Variants in PFKP observed in about 807,000 individuals in gnomAD.
PFKP encodes the protein phosphofructokinase, platelet, also known as ATP-dependent 6-phosphofructokinase, platelet type.
Under a neutral mutation model 94.3 loss-of-function variants are expected in PFKP, and 101 were observed. That is an observed-to-expected ratio of 1.07 (90% CI 0.91 to 1.26). PFKP has a LOEUF of 1.26. PFKP is among the 50% of genes most tolerant of loss of function. The probability of loss-of-function intolerance (pLI) is 0.00; values close to 1 mark genes in which losing one functional copy is unlikely to be tolerated. For missense variants in PFKP, 1,145 were observed against 1,103.3 expected (o/e 1.04, Z -0.53); for synonymous variants, 573 against 432.6 (o/e 1.32, Z -4.03).
intron 10 of PFKP, 145 bp downstream of exon 10, chr10:3,109,625 G>A (rs1185365231): frequency 8.3e-6 from 8 of 968,034 alleles, no homozygotes; most frequent in Admixed American, 4.3e-5. Context: ...CTGCCCGTGG[G>A]GAGGGAGAAG....
intron 3 of PFKP, 149 bp downstream of exon 3, chr10:3,099,501 TG>T (rs1258354047): frequency 3.0e-6 from 2 of 675,498 alleles, no homozygotes; most frequent in Admixed American, 4.9e-5. Flanking sequence ...ACTTGTGGTT[TG>T]ATTTTTAGAA....
intron 16 of PFKP, 95 bp from the exon 17 acceptor site, chr10:3,129,724 G>A: frequency 3.0e-6 from 4 of 1,333,988 alleles, no homozygotes; most frequent in East Asian, 2.3e-5. Context: ...GGGCGCGGTG[G>A]GGGGGCCTTG....
intron 1 of PFKP, chr10:3,069,476 G>A (rs1424260905): frequency 7.8e-7 from 1 of 1,279,988 alleles, no homozygotes. Context: ...AGCACCTTGA[G>A]TGACCTTACC....
intron 8 of PFKP, 99 bp downstream of exon 8, chr10:3,107,408 CTT>C: frequency 2.9e-6 from 2 of 699,544 alleles, no homozygotes; most frequent in Non-Finnish European, 5.0e-6. Flanking sequence ...GAATTATTAA[CTT>C]TTTATCCTTG....
intron 1 of PFKP, among the ~76,000 whole-genome samples, chr10:3,081,580 G>C (rs561077432): frequency 2.0e-5 from 3 of 152,184 alleles, no homozygotes. Flanking sequence ...CTCCTCTCCC[G>C]ATGGGCCTGA....
In PFKP at chr10:3,075,843, C is replaced by T. The variant is rs192388391; in HGVS notation, c.113-6545C>T. Among the ~76,000 whole-genome samples, 998 of 148,080 alleles carry T rather than the reference C, an allele frequency of 6.7e-3. 17 individuals are homozygous for T. The highest frequency in any genetic ancestry group is 0.023 in the African/African-American group (934 of 39,880). ...TTGCCTGAGCCCAGGAGTTGGAGGC[C>T]GCAGTGAGCTGTGACTGCACCAGTT... On this transcript the variant is annotated intron_variant, in intron 1 of 21. Transcript: ENST00000381125.
intron 5 of PFKP, 37 bp downstream of exon 5, chr10:3,103,981 G>T (rs777662960): frequency 1.3e-6 from 2 of 1,598,280 alleles, no homozygotes; most frequent in East Asian, 4.5e-5. Flanking sequence ...AGGCCAGTGG[G>T]GCCCGACGTG....
intron 7 of PFKP, among the ~76,000 whole-genome samples, chr10:3,105,714 T>C (rs1564307634): frequency 6.6e-6 from 1 of 152,242 alleles, no homozygotes; most frequent in African/African-American, 2.4e-5. Flanking sequence ...ATTTAAGACC[T>C]GAGGCTGAGA....
intron 8 of PFKP, 85 bp downstream of exon 8, chr10:3,107,394 C>G: frequency 2.6e-6 from 2 of 771,690 alleles, no homozygotes. Context: ...TGGTTTAGAA[C>G]ATTGAATTAT....
intron 2 of PFKP, among the ~76,000 whole-genome samples, chr10:3,094,868 C>T (rs568431824): frequency 2.4e-4 from 37 of 152,202 alleles, no homozygotes; most frequent in Middle Eastern, 3.4e-3. Context: ...CTAGGGAAAG[C>T]TTGATTCTGT....
intron 2 of PFKP, 78 bp from the exon 3 acceptor site, chr10:3,099,197 G>A (rs549673625): frequency 3.7e-5 from 44 of 1,179,418 alleles, no homozygotes; most frequent in African/African-American, 1.8e-4. Flanking sequence ...CATTTTTCCC[G>A]TTTTATATAA....
intron 14 of PFKP, among the ~76,000 whole-genome samples, chr10:3,117,407 G>C (rs1836944077): frequency 6.6e-6 from 1 of 152,196 alleles, no homozygotes; most frequent in African/African-American, 2.4e-5. Flanking sequence ...TCTCACCTTT[G>C]ATCATGTCAG....
chr10:3,099,209 T>A (rs1834752900), intron 2 of PFKP, 66 bp from the exon 3 acceptor site: 2 of 1,258,280 alleles, frequency 1.6e-6, no homozygotes, highest in Non-Finnish European at 2.3e-6. Flanking sequence ...TTTATATAAT[T>A]TAAGGATCAC....
At chr10:3,132,517 G>T in intron 18 of PFKP, 76 bp downstream of exon 18, 1 of 1,039,382 alleles carries the variant, frequency 9.6e-7, no homozygotes, top group South Asian at 1.3e-5. Flanking sequence ...CTGTGACTTG[G>T]GCTGGATGAG....
intron 16 of PFKP, among the ~76,000 whole-genome samples, chr10:3,120,552 C>A (rs1287074284): frequency 4.6e-5 from 7 of 152,174 alleles, no homozygotes; most frequent in Non-Finnish European, 7.3e-5. Context: ...TGGCTGTTGA[C>A]CTCATTTTCC....
intron 1 of PFKP, among the ~76,000 whole-genome samples, chr10:3,077,257 T>C (rs1385170897): frequency 9.9e-6 from 1 of 100,596 alleles, no homozygotes; most frequent in Non-Finnish European, 2.1e-5. Context: ...TACTTTTTTT[T>C]TTTCTTTTTT....
In PFKP at chr10:3,096,017, G is replaced by C. The variant is rs1299039911; in HGVS notation, c.187-3258G>C. Among the ~76,000 whole-genome samples the C allele has an allele frequency of 2.0e-5, 3 of 152,164 alleles. No individual in the cohort carries two copies. In the South Asian group the frequency reaches 6.2e-4, roughly 32 times the overall value. On this transcript the variant is annotated intron_variant, in intron 2 of 21. Coordinates refer to ENST00000381125, the MANE Select transcript of PFKP (RefSeq NM_002627.5). The stretch of plus-strand genomic sequence containing the variant: ...ACACAAAATAATGAAATTACTTTCA[G>C]AGAACATTTTACTTTTCAAAATGTT...
At chr10:3,080,730 A>G (rs1021810854) in intron 1 of PFKP, among the ~76,000 whole-genome samples, 1 of 152,156 alleles carries the variant, frequency 6.6e-6, no homozygotes, top group Non-Finnish European at 1.5e-5. Context: ...ATATTCATAA[A>G]TTATTTGCAT....
At chr10:3,092,406 G>GA (rs527396758) in intron 2 of PFKP, among the ~76,000 whole-genome samples, 7 of 152,202 alleles carry the variant, frequency 4.6e-5, no homozygotes, top group East Asian at 1.9e-4. Flanking sequence ...GGGATGCAGA[G>GA]AGGTGGATGG....
Sources: gnomAD v4.1 joint callset for allele counts (sites outside exome capture counted in the v4.1 genomes callset) on GRCh38, gnomAD v4.1.1 for gene constraint, MANE v1.5 for transcripts, NCBI Gene and HGNC (gene_info 2026-07-23, HGNC 2026-07-21) for gene names.